NOL4L: variants seen among roughly 807,000 people sequenced by gnomAD.
NOL4L encodes nucleolar protein 4 like, also known as nucleolar protein 4-like.
NOL4L carries 7 observed loss-of-function variants against 64.5 expected under a neutral mutation model. The observed-to-expected ratio is 0.11, with a 90% CI of 0.06 to 0.20. The LOEUF is 0.20. NOL4L is among the 10% of genes least tolerant of loss of function. NOL4L has a pLI of 1.00. For missense variants in NOL4L, 680 were observed against 967.1 expected, an observed-to-expected ratio of 0.70 and a Z score of 3.94; for synonymous variants, 413 against 401.0, an observed-to-expected ratio of 1.03 and a Z score of -0.36.
At chr20:32,581,155 C>T (rs1455680493) in intron 1 of NOL4L, among the ~76,000 whole-genome samples, 3 of 152,144 alleles carry the variant, frequency 2.0e-5, no homozygotes, top group Non-Finnish European at 4.4e-5. Flanking sequence ...TGGAGGACTC[C>T]GCCCTCCTCT....
intron 1 of NOL4L, among the ~76,000 whole-genome samples, chr20:32,556,298 C>T (rs116559406): frequency 0.012 from 1,836 of 152,086 alleles, 22 homozygotes; most frequent in African/African-American, 0.042. Context: ...TTCCCTGGAG[C>T]CCCTCAGCTC....
chr20:32,577,341 G>A (rs1264155333), intron 1 of NOL4L, among the ~76,000 whole-genome samples: 1 of 152,226 alleles, frequency 6.6e-6, no homozygotes, highest in African/African-American at 2.4e-5. Flanking sequence ...TGCCTGCCAG[G>A]CCTTGGGAAA....
chr20:32,457,418 G>A (rs1386635166), intron 5 of NOL4L, among the ~76,000 whole-genome samples: 1 of 152,126 alleles, frequency 6.6e-6, no homozygotes, highest in Non-Finnish European at 1.5e-5. Context: ...GGTCACAGCG[G>A]GCCCTGCCGC....
intron 4 of NOL4L, among the ~76,000 whole-genome samples, chr20:32,501,086 G>A (rs1328014328): frequency 1.3e-5 from 2 of 152,220 alleles, no homozygotes; most frequent in Admixed American, 1.3e-4. Context: ...AGTGTGGAAA[G>A]AGGGAAAAGT....
At chr20:32,484,893 C>A (rs2015988917) in intron 4 of NOL4L, among the ~76,000 whole-genome samples, 1 of 151,514 alleles carries the variant, frequency 6.6e-6, no homozygotes, top group Non-Finnish European at 1.5e-5. Context: ...ACTCTCATCA[C>A]CAAACCGCAG....
rs993487844 is a variant in NOL4L, at chr20:32,464,716, C to G, written c.842-8321G>C. 1.1e-5 allele frequency: 3 copies of G among 274,396 alleles called. No individual in the cohort carries two copies. The highest frequency in any genetic ancestry group is 2.0e-5 in the Non-Finnish European group (3 of 147,692). 17.0% of individuals were successfully genotyped at this position (274,396 alleles called of 1,614,324 possible). A position where few individuals can be genotyped will look rare whatever the true frequency, so the allele number is the denominator to read the frequency against. On this transcript the variant is annotated intron_variant, in intron 5 of 10. Coordinates refer to ENST00000621426, the MANE Select transcript of NOL4L (RefSeq NM_001256798.2). The surrounding 1 kb of genome is among the most constrained non-coding windows in gnomAD (Gnocchi z 5.6). ...CTGTCCGACAGAAACAGAGTGGGAGCCGCATGAGGGATTTGAGTGCCCTAG... is the reference window on the plus strand; with the variant it reads ...CTGTCCGACAGAAACAGAGTGGGAGGCGCATGAGGGATTTGAGTGCCCTAG...
chr20:32,509,476 C>T (rs1002394215), intron 4 of NOL4L, among the ~76,000 whole-genome samples: 1 of 145,542 alleles, frequency 6.9e-6, no homozygotes, highest in African/African-American at 2.6e-5. Context: ...CGAGATTGGG[C>T]CACTGCACTC....
intron 5 of NOL4L, among the ~76,000 whole-genome samples, chr20:32,467,713 G>A (rs768211774): frequency 6.6e-6 from 1 of 152,312 alleles, no homozygotes; most frequent in East Asian, 1.9e-4. Flanking sequence ...CGCCTGGCAA[G>A]GTGGGCCAAG....
chr20:32,527,957 C>G, intron 1 of NOL4L, 44 bp from the exon 2 acceptor site: 1 of 1,306,716 alleles, frequency 7.7e-7, no homozygotes, highest in Non-Finnish European at 1.0e-6. Context: ...GGAATGATGG[C>G]GGGGTGAGAA....
chr20:32,480,229 T>A (rs928866161), intron 4 of NOL4L, among the ~76,000 whole-genome samples: 1 of 152,222 alleles, frequency 6.6e-6, no homozygotes, highest in Non-Finnish European at 1.5e-5. Flanking sequence ...AGACCCTTCC[T>A]GAGAGCTGTA....
intron 1 of NOL4L, chr20:32,535,900 G>A (rs1470659365): frequency 2.0e-6 from 2 of 985,312 alleles, no homozygotes; most frequent in African/African-American, 1.7e-5. Context: ...ATCCCCGGAC[G>A]GACAGGCCAG....
intron 5 of NOL4L, among the ~76,000 whole-genome samples, chr20:32,473,314 G>GGT (rs2015151284): frequency 6.6e-6 from 1 of 152,188 alleles, no homozygotes; most frequent in Admixed American, 6.5e-5. Context: ...CGGGAGGTCA[G>GGT]CTGCTGCGCT....
chr20:32,455,927 G>A (rs537892638), intron 6 of NOL4L, among the ~76,000 whole-genome samples, 191 bp downstream of exon 6: 5 of 152,228 alleles, frequency 3.3e-5, no homozygotes, highest in African/African-American at 9.6e-5. Flanking sequence ...TGGCTTGGGG[G>A]CACACTCCAA....
At chr20:32,544,005 G>T (rs182072594) in intron 1 of NOL4L, among the ~76,000 whole-genome samples, 1 of 152,186 alleles carries the variant, frequency 6.6e-6, no homozygotes, top group Non-Finnish European at 1.5e-5. Context: ...GTGGGCAGTG[G>T]TGTGTAGGAT....
At chr20:32,535,203 G>A (rs1013114004) in intron 1 of NOL4L, among the ~76,000 whole-genome samples, 1 of 150,998 alleles carries the variant, frequency 6.6e-6, no homozygotes, top group African/African-American at 2.4e-5. Context: ...AGAGGGTATT[G>A]CTTCACTGGG....
intron 6 of NOL4L, 122 bp downstream of exon 6, chr20:32,455,996 C>T (rs1484748551): frequency 2.2e-5 from 24 of 1,094,216 alleles, no homozygotes; most frequent in Non-Finnish European, 3.0e-5. Context: ...ACAGCCACCA[C>T]CCTGGCTCGG....
chr20:32,483,234 A>C (rs1391933931), intron 4 of NOL4L: 3 of 398,146 alleles, frequency 7.5e-6, no homozygotes, highest in East Asian at 2.1e-4. Flanking sequence ...CCCCCTCCCC[A>C]GAACCGCCCC....
chr20:32,568,744 G>A (rs1309025554), intron 1 of NOL4L, among the ~76,000 whole-genome samples: 1 of 152,212 alleles, frequency 6.6e-6, no homozygotes, highest in Non-Finnish European at 1.5e-5. Context: ...CCTCTTGATG[G>A]GGCTTGAGGC....
At position 32,503,978 on chromosome 20, in the gene NOL4L, T is replaced by A. The variant is rs190259240; in HGVS notation, c.699+7369A>T. ...TTTAAGAAGGCCCATCTGAGCTTTT[T>A]ATGATACTGTGTAATGAAATTTAAC... On this transcript the variant is annotated intron_variant, in intron 4 of 10. Coordinates refer to ENST00000621426, the MANE Select transcript of NOL4L (RefSeq NM_001256798.2). Among the ~76,000 whole-genome samples, 518 of 152,342 alleles carry A rather than the reference T, an allele frequency of 3.4e-3. 1 individual carries two copies. The highest frequency in any genetic ancestry group is 6.0e-3 in the Non-Finnish European group (411 of 68,026).
Sources: gnomAD v4.1 joint callset for allele counts (sites outside exome capture counted in the v4.1 genomes callset) on GRCh38, gnomAD v4.1.1 for gene constraint, Gnocchi (gnomAD v3.1) non-coding constraint, MANE v1.5 for transcripts, NCBI Gene and HGNC (gene_info 2026-07-23, HGNC 2026-07-21) for gene names.